The following ISCA2 variants were observed in gnomAD, a reference collection of about 807,000 sequenced individuals.
ISCA2 encodes iron-sulfur cluster assembly 2.
ISCA2 carries 21 observed loss-of-function variants against 19.1 expected under a neutral mutation model. The observed-to-expected ratio is 1.10, with a 90% confidence interval of 0.78 to 1.59. The LOEUF is 1.59. Among genes scored for constraint, ISCA2 ranks in the 40% most tolerant of loss-of-function variants. ISCA2 has a pLI of 0.00. For missense variants in ISCA2, 181 were observed against 191.7 expected, an observed-to-expected ratio of 0.94 and a Z score of 0.33; for synonymous variants, 107 against 83.8, an observed-to-expected ratio of 1.28 and a Z score of -1.51.
In ISCA2 at chr14:74,496,388, A is replaced by C. The variant is rs952580655; in HGVS notation, c.*1388A>C. 1.3e-5 allele frequency: 2 copies of C among 152,230 alleles called. No individual in the cohort carries two copies. Among genetic ancestry groups the C allele is most frequent in the Non-Finnish European group, 2.9e-5 (2 of 68,028 alleles). 9.4% of individuals were successfully genotyped at this position (152,230 alleles called of 1,614,324 possible). ...ATACATTTCCAACATGGCAAAACCT[A>C]GGACTTAGAGAAAACAAACCTATCA... On this transcript the variant is annotated 3_prime_UTR_variant, in exon 4 of 4. Transcript: ENST00000556816.
intron 3 of ISCA2, 172 bp from the exon 4 acceptor site, chr14:74,494,654 C>G (rs2086825860): frequency 1.6e-6 from 1 of 637,926 alleles, no homozygotes; most frequent in Non-Finnish European, 2.7e-6. Context: ...CTACACGTTT[C>G]CCAGTATTTA....
Position 74,494,978 on chromosome 14 carries a change from C to T in ISCA2, c.443C>T (p.Ser148Leu), listed in dbSNP as rs2086832101. The change falls in exon 4 of 4, where the codon TCA (serine) becomes TTA (leucine). Residue 148 changes from serine to leucine, a missense_variant. Ser to Leu is a moderately radical substitution (Grantham distance 145, BLOSUM62 -2). Coordinates refer to ENST00000556816, the MANE Select transcript of ISCA2 (RefSeq NM_194279.4). Reference protein sequence around the residue: ...PQAQQGCSCGSSFSIKL With the variant: ...PQAQQGCSCGLSFSIKL ...GCACAGCAAGGCTGCTCCTGTGGGTCATCTTTCTCTATCAAACTTTGATGT... is the reference window on the plus strand; with the variant it reads ...GCACAGCAAGGCTGCTCCTGTGGGTTATCTTTCTCTATCAAACTTTGATGT... The T allele has an allele frequency of 6.2e-7, 1 of 1,612,732 alleles. No individual in the cohort carries two copies. Among genetic ancestry groups the T allele is most frequent in the Non-Finnish European group, 8.5e-7 (1 of 1,179,830 alleles).
At position 74,494,152 on chromosome 14, in the gene ISCA2, G is replaced by C. The variant is rs1265500137; in HGVS notation, c.174G>C (p.Gln58His). Reference sequence around the variant, plus strand: ...TCCGCCTCACAGACAGTTGCGTCCAGGTAGGAGGCCGGACGCGGAGCGGCG... The same window carrying C: ...TCCGCCTCACAGACAGTTGCGTCCACGTAGGAGGCCGGACGCGGAGCGGCG... ...GQIRLTDSCV[Q>H]RLLEITEGSE... Residue 58 changes from glutamine (Q) to histidine (H), a missense_variant and splice_region_variant, in exon 2 of 4, where the codon CAG becomes CAC. Gln to His is a conservative substitution (Grantham distance 24). Coordinates refer to ENST00000556816, the MANE Select transcript of ISCA2 (RefSeq NM_194279.4). 6.3e-7 allele frequency: 1 copy of C among 1,588,568 alleles called. No homozygotes were observed. The highest frequency in any genetic ancestry group is 1.1e-5 in the South Asian group (1 of 88,316).
In ISCA2 at chr14:74,494,394, A is replaced by C; in HGVS notation, c.290+4A>C. On this transcript the variant is annotated splice_donor_region_variant and intron_variant, in intron 3 of 3. Coordinates refer to ENST00000556816, the MANE Select transcript of ISCA2 (RefSeq NM_194279.4). ...CAGTTATCAACCCCGACGACAGGCA[A>C]GGAGGAAGGGGTGGGCCCCCAAAGG... The C allele has an allele frequency of 5.0e-6, 8 of 1,607,408 alleles. No homozygotes were observed. Among genetic ancestry groups the C allele is most frequent in the Non-Finnish European group, 6.0e-6 (7 of 1,173,808 alleles).
rs750031770 is a variant in ISCA2 at position 74,494,265 on chromosome 14, T to G, written c.175-10T>G. On this transcript the variant is annotated splice_polypyrimidine_tract_variant and intron_variant, in intron 2 of 3. Coordinates refer to ENST00000556816, the MANE Select transcript of ISCA2 (RefSeq NM_194279.4). ...TCCCGCTATTCTTGATCCCCCTTCC[T>G]GCATTTCAGAGGCTTTTGGAAATCA... The G allele has an allele frequency of 8.1e-6, 13 of 1,610,906 alleles. No individual in the cohort carries two copies. In the Admixed American group the frequency reaches 8.3e-5, roughly 10 times the overall value.
Position 74,494,122 on chromosome 14 carries a change from G to C in ISCA2, c.144G>C (p.Gly48=). ...CCTCCAGCCCCGAGGCCGGCGAAGG[G>C]CAGATCCGCCTCACAGACAGTTGCG... ...ASSSSPEAGE[G]QIRLTDSCVQ... is the part of the protein sequence containing the mutation. The change falls in exon 2 of 4, where the codon GGG becomes GGC. Residue 48 remains glycine (G), a synonymous_variant. Transcript: ENST00000556816. 6.3e-7 allele frequency: 1 copy of C among 1,582,650 alleles called. No homozygotes were observed. The highest frequency in any genetic ancestry group is 8.6e-7 in the Non-Finnish European group (1 of 1,166,056).
chr14:74,493,846 G>A lies in ISCA2; in HGVS notation c.71+1G>A. 6.4e-7 allele frequency: 1 copy of A among 1,560,052 alleles called. No individual in the cohort carries two copies. The stretch of plus-strand genomic sequence containing the variant: ...CGGTCACTCCCTGGCCGAGGGGCAG[G>A]TACCAAGACTAGAAAGGCACCTGGA... On this transcript the variant is annotated splice_donor_variant, in intron 1 of 3. Coordinates refer to ENST00000556816, the MANE Select transcript of ISCA2 (RefSeq NM_194279.4). LOFTEE classifies it high-confidence loss of function. This position sits in a 1 kb window ranked among gnomAD's most constrained non-coding sequence, Gnocchi z 4.1.
rs374977004 is a variant in ISCA2 at position 74,495,289 on chromosome 14, T to C, written c.*289T>C. ...TGTAGAGCCTCCATGGCTCTAAAAT[T>C]TGGAATTAACTTCTCTTGCCTTAAG... On this transcript the variant is annotated 3_prime_UTR_variant, in exon 4 of 4. Transcript: ENST00000556816. The C allele has an allele frequency of 2.7e-5, 8 of 291,748 alleles. No homozygotes were observed. The East Asian group carries it at 5.4e-4, about 20-fold the overall frequency. The allele number at this position is 291,748 out of a possible 1,614,324, so 18.1% of individuals were successfully genotyped here.
At position 74,495,080 on chromosome 14, in the gene ISCA2, A is replaced by ACTT. The variant is rs2086833729; in HGVS notation, c.*83_*85dup. ...GGAATTAGTAGAATTCTAGAAGTTT[A>ACTT]CTTCTAATCATGTCCCTCTCAATTT... On this transcript the variant is annotated 3_prime_UTR_variant, in exon 4 of 4. Coordinates refer to ENST00000556816, the MANE Select transcript of ISCA2 (RefSeq NM_194279.4). The ACTT allele has an allele frequency of 3.9e-6, 4 of 1,033,060 alleles. No individual in the cohort carries two copies. Among genetic ancestry groups the ACTT allele is most frequent in the Non-Finnish European group, 4.4e-6 (3 of 685,436 alleles). The allele number at this position is 1,033,060 out of a possible 1,614,324, so 64.0% of individuals were successfully genotyped here. A position where few individuals can be genotyped will look rare whatever the true frequency, so the allele number is the denominator to read the frequency against.
In ISCA2 at chr14:74,494,848, A is replaced by G. The variant is rs191915715; in HGVS notation, c.313A>G (p.Arg105Gly). Reference protein sequence around the residue: ...DDRVFEQGGARVVVDSDSLAF... With the variant: ...DDRVFEQGGAGVVVDSDSLAF... ...CAGGGTATTTGAACAGGGTGGGGCA[A>G]GAGTGGTGGTTGACTCTGATAGCTT... Residue 105 changes from arginine (R) to glycine (G), a missense_variant, in exon 4 of 4, where the codon AGA (arginine) becomes GGA (glycine). Coordinates refer to ENST00000556816, the MANE Select transcript of ISCA2 (RefSeq NM_194279.4). 2.2e-5 allele frequency: 36 copies of G among 1,614,158 alleles called. No individual in the cohort carries two copies. Among genetic ancestry groups the G allele is most frequent in the Admixed American group, 8.3e-5 (5 of 60,018 alleles).
intron 3 of ISCA2, 82 bp downstream of exon 3, chr14:74,494,472 A>G (rs1188435779): frequency 4.0e-6 from 4 of 1,010,154 alleles, no homozygotes; most frequent in Non-Finnish European, 6.2e-6. Context: ...TTTATTCCAA[A>G]TTTAAAGGGT....
Position 74,493,950 on chromosome 14 carries a change from G to T in ISCA2, c.72-100G>T. On this transcript the variant is annotated intron_variant, in intron 1 of 3. Coordinates refer to ENST00000556816, the MANE Select transcript of ISCA2 (RefSeq NM_194279.4). The surrounding 1 kb of genome is among the most constrained non-coding windows in gnomAD (Gnocchi z 4.1). ...GGATGCGAGGGTTTGGTGGGAGGCC[G>T]TCCAGGTGGGGGTCGCCAGGTTTAG... 1 of 1,461,870 alleles carries T rather than the reference G, an allele frequency of 6.8e-7. No homozygotes were observed. The allele number at this position is 1,461,870 out of a possible 1,614,324, so 90.6% of individuals were successfully genotyped here. A position where few individuals can be genotyped will look rare whatever the true frequency, so the allele number is the denominator to read the frequency against.
chr14:74,494,485 A>G, intron 3 of ISCA2, 95 bp downstream of exon 3: 1 of 903,616 alleles, frequency 1.1e-6, no homozygotes, highest in Non-Finnish European at 1.8e-6. Context: ...TAAAGGGTTT[A>G]CCTGGGATGG....
Position 74,494,086 on chromosome 14 carries a change from G to A in ISCA2, c.108G>A (p.Arg36=). 1.3e-6 allele frequency: 2 copies of A among 1,561,256 alleles called. No homozygotes were observed. The highest frequency in any genetic ancestry group is 8.6e-7 in the Non-Finnish European group (1 of 1,156,918). ...LTASLGPQAR[R]EASSSSPEAG... is the part of the protein sequence containing the mutation. The stretch of plus-strand genomic sequence containing the variant: ...CCTCCCTGGGACCCCAGGCGCGTCG[G>A]GAGGCGTCGTCCTCCAGCCCCGAGG... Residue 36 remains arginine, a synonymous_variant, in exon 2 of 4, where the codon CGG becomes CGA. Coordinates refer to ENST00000556816, the MANE Select transcript of ISCA2 (RefSeq NM_194279.4).
Position 74,494,045 on chromosome 14 carries a change from C to T in ISCA2, c.72-5C>T, listed in dbSNP as rs1238471176. 7.2e-6 allele frequency: 11 copies of T among 1,536,252 alleles called. No homozygotes were observed. Among genetic ancestry groups the T allele is most frequent in the Non-Finnish European group, 9.6e-6 (11 of 1,143,050 alleles). ...CCCGGGCTCACCCTCCTCCCTTGCG[C>T]GCAGGCTCCTCACGGCCTCCCTGGG... On this transcript the variant is annotated splice_polypyrimidine_tract_variant and splice_region_variant and intron_variant, in intron 1 of 3. Coordinates refer to ENST00000556816, the MANE Select transcript of ISCA2 (RefSeq NM_194279.4).
At position 74,494,400 on chromosome 14, in the gene ISCA2, A is replaced by C. The variant is rs79408795; in HGVS notation, c.290+10A>C. 2,363 of 1,595,708 alleles carry C rather than the reference A, an allele frequency of 1.5e-3. 37 individuals are homozygous for C. The African/African-American group carries it at 0.027, about 18-fold the overall frequency. On this transcript the variant is annotated intron_variant, in intron 3 of 3. Coordinates refer to ENST00000556816, the MANE Select transcript of ISCA2 (RefSeq NM_194279.4). ...TCAACCCCGACGACAGGCAAGGAGGAAGGGGTGGGCCCCCAAAGGAGGTAC... is the reference window on the plus strand; with the variant it reads ...TCAACCCCGACGACAGGCAAGGAGGCAGGGGTGGGCCCCCAAAGGAGGTAC...
In ISCA2 at chr14:74,495,988, T is replaced by C. The variant is rs1051034677; in HGVS notation, c.*988T>C. On this transcript the variant is annotated 3_prime_UTR_variant, in exon 4 of 4. Transcript: ENST00000556816. ...TTTGCTGACCTTGGCAACTCTGCTT[T>C]AGGGTCACCAAACAGCTTTTAAAAT... 2 of 152,246 alleles carry C rather than the reference T, an allele frequency of 1.3e-5. No individual in the cohort carries two copies. Among genetic ancestry groups the C allele is most frequent in the Non-Finnish European group, 2.9e-5 (2 of 68,036 alleles). 9.4% of individuals were successfully genotyped at this position (152,246 alleles called of 1,614,324 possible). A position where few individuals can be genotyped will look rare whatever the true frequency, so the allele number is the denominator to read the frequency against.
At position 74,493,849 on chromosome 14, in the gene ISCA2, C is replaced by G; in HGVS notation, c.71+4C>G. 1.9e-6 allele frequency: 3 copies of G among 1,559,682 alleles called. No individual in the cohort carries two copies. In the African/African-American group the frequency reaches 4.0e-5, roughly 21 times the overall value. ...TCACTCCCTGGCCGAGGGGCAGGTA[C>G]CAAGACTAGAAAGGCACCTGGAAAG... On this transcript the variant is annotated splice_donor_region_variant and intron_variant, in intron 1 of 3. Transcript: ENST00000556816. This position sits in a 1 kb window ranked among gnomAD's most constrained non-coding sequence, Gnocchi z 4.1.
In ISCA2 at chr14:74,494,866, G is replaced by C; in HGVS notation, c.331G>C (p.Asp111His). The change falls in exon 4 of 4, where the codon GAT becomes CAT. Residue 111 changes from aspartate to histidine, a missense_variant. Physicochemically the swap from Asp to His is moderately conservative, Grantham distance 81. Coordinates refer to ENST00000556816, the MANE Select transcript of ISCA2 (RefSeq NM_194279.4). ...QGGARVVVDS[D>H]SLAFVKGAQV... ...TGGGGCAAGAGTGGTGGTTGACTCT[G>C]ATAGCTTGGCCTTCGTGAAAGGGGC... 1.2e-6 allele frequency: 2 copies of C among 1,614,168 alleles called. No individual in the cohort carries two copies. The highest frequency in any genetic ancestry group is 1.1e-5 in the South Asian group (1 of 91,078).
Sources: allele counts gnomAD v4.1 joint callset, GRCh38; gene constraint gnomAD v4.1.1; non-coding constraint Gnocchi (gnomAD v3.1); transcripts MANE v1.5; gene names NCBI Gene and HGNC (gene_info 2026-07-23, HGNC 2026-07-21).